Variants in CNTNAP5 observed in about 807,000 individuals in gnomAD.
CNTNAP5 encodes contactin associated protein family member 5, also known as contactin-associated protein-like 5.
A neutral mutation model predicts 150.2 loss-of-function variants in CNTNAP5; 72 were observed. The ratio of observed to expected loss-of-function variants is 0.48; its 90% confidence interval spans 0.40 to 0.58. The LOEUF (loss-of-function observed/expected upper bound fraction) is 0.58. CNTNAP5 is among the 20% of genes least tolerant of loss of function. CNTNAP5 has a pLI of 0.00. For missense variants in CNTNAP5, 1,636 were observed against 1,626.2 expected (o/e 1.01, Z -0.10); for synonymous variants, 672 against 619.8 (o/e 1.08, Z -1.25).
At chr2:124,191,102 G>A (rs1685447607) in intron 1 of CNTNAP5, among the ~76,000 whole-genome samples, 1 of 152,066 alleles carries the variant, frequency 6.6e-6, no homozygotes, top group Non-Finnish European at 1.5e-5. Context: ...ATTTTTATTG[G>A]TGTCTTTAAG....
At chr2:124,169,244 G>A (rs1014228681) in intron 1 of CNTNAP5, among the ~76,000 whole-genome samples, 3 of 152,216 alleles carry the variant, frequency 2.0e-5, no homozygotes, top group Non-Finnish European at 4.4e-5. Flanking sequence ...GGTGGCATTG[G>A]GGTTCTTATT....
intron 4 of CNTNAP5, among the ~76,000 whole-genome samples, chr2:124,427,360 A>G (rs1692262888): frequency 6.6e-6 from 1 of 152,150 alleles, no homozygotes. Flanking sequence ...CAAACCAATC[A>G]TACATTTTCC....
chr2:124,341,825 G>A lies in CNTNAP5; in HGVS notation c.382-75618G>A, dbSNP rs758520872. 3.3e-5 allele frequency among the ~76,000 whole-genome samples: 5 copies of A among 152,118 alleles called. No individual in the cohort carries two copies. The East Asian group carries it at 7.7e-4, about 24-fold the overall frequency. ...TGTAGTTTGCGTGTTATGAGAGAAT[G>A]TCTATAAATAAGCTGTTGTGGTGAT... On this transcript the variant is annotated intron_variant, in intron 3 of 23. Coordinates refer to ENST00000682447, the MANE Select transcript of CNTNAP5 (RefSeq NM_001367498.1).
At chr2:124,655,982 A>G (rs1287591163) in intron 13 of CNTNAP5, among the ~76,000 whole-genome samples, 2 of 149,018 alleles carry the variant, frequency 1.3e-5, no homozygotes, top group Non-Finnish European at 3.0e-5. Flanking sequence ...AAAGAAAGAA[A>G]GAAAGAAAGA....
At chr2:124,429,380 A>G (rs1252067839) in intron 4 of CNTNAP5, among the ~76,000 whole-genome samples, 1 of 152,258 alleles carries the variant, frequency 6.6e-6, no homozygotes, top group Non-Finnish European at 1.5e-5. Context: ...AAGTGTTGAA[A>G]AAAATCAAGC....
rs1456981558 is a variant in CNTNAP5, at chr2:124,918,390, A to T, written c.*4102A>T. Among the ~76,000 whole-genome samples the T allele has an allele frequency of 6.6e-6, 1 of 152,038 alleles. No individual in the cohort carries two copies. The highest frequency in any genetic ancestry group is 1.5e-5 in the Non-Finnish European group (1 of 67,984). ...CTTCCATCAGTAATTGACTAAAAAA[A>T]TGTTGTCCATTTATGTGAGGTCTCA... On this transcript the variant is annotated 3_prime_UTR_variant, in exon 24 of 24. Coordinates refer to ENST00000682447, the MANE Select transcript of CNTNAP5 (RefSeq NM_001367498.1).
Position 124,276,524 on chromosome 2 carries a change from G to A in CNTNAP5, c.381+34131G>A, listed in dbSNP as rs115991404. Among the ~76,000 whole-genome samples, 1,145 of 152,208 alleles carry A rather than the reference G, an allele frequency of 7.5e-3. 9 individuals are homozygous for A. Among genetic ancestry groups the A allele is most frequent in the Middle Eastern group, 0.027 (8 of 294 alleles). ...TCAAAATATTAATTCATCAAAATCTGTACATGTTTGGATGATGAGCCCAAT... is the reference window on the plus strand; with the variant it reads ...TCAAAATATTAATTCATCAAAATCTATACATGTTTGGATGATGAGCCCAAT... On this transcript the variant is annotated intron_variant, in intron 3 of 23. Coordinates refer to ENST00000682447, the MANE Select transcript of CNTNAP5 (RefSeq NM_001367498.1).
At chr2:124,738,635 G>A (rs1181360458) in intron 13 of CNTNAP5, among the ~76,000 whole-genome samples, 1 of 152,016 alleles carries the variant, frequency 6.6e-6, no homozygotes, top group East Asian at 1.9e-4. Context: ...AGAGGCTGTG[G>A]CAGGAGAATC....
chr2:124,910,241 G>GT (rs1398430759), intron 22 of CNTNAP5, among the ~76,000 whole-genome samples: 2 of 151,980 alleles, frequency 1.3e-5, no homozygotes, highest in Non-Finnish European at 1.5e-5. Flanking sequence ...GCGTGTCTTG[G>GT]TTTTTTCATT....
In CNTNAP5 at chr2:124,242,221, C is replaced by A. The variant is rs369199254; in HGVS notation, c.209C>A (p.Ala70Glu). ...CCAGGAACTGGCGGTTGGTCCCCAG[C>A]AGATTCCAATGCTCAACAGTGGCTC... ...WRVGTGGWSP[A>E]DSNAQQWLQM... The change falls in exon 3 of 24, where the codon GCA becomes GAA. Residue 70 changes from alanine (A) to glutamate (E), a missense_variant. By Grantham distance (107) the Ala-to-Glu change is moderately radical. Transcript: ENST00000682447. 3.8e-6 allele frequency: 6 copies of A among 1,594,016 alleles called. No individual in the cohort carries two copies. In the African/African-American group the frequency reaches 5.4e-5, roughly 14 times the overall value.
intron 13 of CNTNAP5, among the ~76,000 whole-genome samples, chr2:124,719,411 A>G (rs559073824): frequency 2.6e-5 from 4 of 152,334 alleles, no homozygotes; most frequent in African/African-American, 9.6e-5. Flanking sequence ...GCTGCTTACA[A>G]TCTAAAAATA....
chr2:124,391,210 C>T (rs1470519958), intron 3 of CNTNAP5, among the ~76,000 whole-genome samples: 1 of 152,016 alleles, frequency 6.6e-6, no homozygotes, highest in African/African-American at 2.4e-5. Context: ...TTTAAAAATA[C>T]CTGTTACATA....
intron 13 of CNTNAP5, among the ~76,000 whole-genome samples, chr2:124,699,348 C>T (rs2105088029): frequency 6.6e-6 from 1 of 152,230 alleles, no homozygotes; most frequent in African/African-American, 2.4e-5. Context: ...CAGGGAGGGG[C>T]TCAGATTGGT....
At chr2:124,742,841 G>A (rs1057064309) in intron 13 of CNTNAP5, among the ~76,000 whole-genome samples, 1 of 152,016 alleles carries the variant, frequency 6.6e-6, no homozygotes, top group Non-Finnish European at 1.5e-5. Flanking sequence ...AGTTCCTGGA[G>A]GAGTCTCCCA....
At position 124,451,077 on chromosome 2, in the gene CNTNAP5, T is replaced by TATATATATATACAC. The variant is rs755084840; in HGVS notation, c.918+4141_918+4142insTATATATATACACA. Among the ~76,000 whole-genome samples the TATATATATATACAC allele has an allele frequency of 1.1e-3, 70 of 61,496 alleles. 1 individual carries two copies. Among genetic ancestry groups the TATATATATATACAC allele is most frequent in the South Asian group, 5.6e-3 (6 of 1,070 alleles). 40.3% of individuals were successfully genotyped at this position (61,496 alleles called of 152,430 possible). ...ATATATATATATATATATATATATA[T>TATATATATATACAC]ACACACACACACACACACACATAAT... On this transcript the variant is annotated intron_variant, in intron 6 of 23. Transcript: ENST00000682447.
intron 13 of CNTNAP5, among the ~76,000 whole-genome samples, chr2:124,706,913 G>A (rs1352158687): frequency 0.045 from 205 of 4,556 alleles, no homozygotes; most frequent in East Asian, 0.1. Flanking sequence ...GGAGGAGGAG[G>A]AGGAGAAGAA....
At chr2:124,726,927 G>T (rs533964948) in intron 13 of CNTNAP5, among the ~76,000 whole-genome samples, 1 of 152,066 alleles carries the variant, frequency 6.6e-6, no homozygotes, top group African/African-American at 2.4e-5. Flanking sequence ...ACATCATGAA[G>T]ATTTTATCCA....
intron 1 of CNTNAP5, among the ~76,000 whole-genome samples, chr2:124,092,108 A>G (rs1274187883): frequency 3.9e-5 from 6 of 152,044 alleles, no homozygotes; most frequent in Non-Finnish European, 8.8e-5. Flanking sequence ...CTTTAACTCT[A>G]CAATCTCTTT....
At position 124,706,918 on chromosome 2, in the gene CNTNAP5, GAA is replaced by G. The variant is rs1342176479; in HGVS notation, c.2078-40310_2078-40309del. On this transcript the variant is annotated intron_variant, in intron 13 of 23. Transcript: ENST00000682447. Reference sequence around the variant, plus strand: ...GGAAGAAGAAGGAGGAGGAGGAGGAGAAGAAGAAGAAGAAGAAGAAGAAGGAG... The same window carrying G: ...GGAAGAAGAAGGAGGAGGAGGAGGAGGAAGAAGAAGAAGAAGAAGAAGGAG... Among the ~76,000 whole-genome samples the G allele has an allele frequency of 4.1e-4, 38 of 91,610 alleles. 1 individual carries two copies. The East Asian group carries it at 5.2e-3, about 13-fold the overall frequency. The allele number at this position is 91,610 out of a possible 152,430, so 60.1% of individuals were successfully genotyped here. A position where few individuals can be genotyped will look rare whatever the true frequency, so the allele number is the denominator to read the frequency against.
Sources: allele counts gnomAD v4.1 joint callset (sites outside exome capture counted in the v4.1 genomes callset), GRCh38; gene constraint gnomAD v4.1.1; transcripts MANE v1.5; gene names NCBI Gene and HGNC (gene_info 2026-07-23, HGNC 2026-07-21).